PTPRA: variants seen among roughly 807,000 people sequenced by gnomAD.
PTPRA encodes protein tyrosine phosphatase receptor type A.
PTPRA carries 25 observed loss-of-function variants against 104.8 expected under a neutral mutation model. The observed-to-expected ratio is 0.24, with a 90% CI of 0.17 to 0.33. PTPRA has a LOEUF of 0.33. Ranked by LOEUF, PTPRA falls within the 10% of genes least tolerant of loss-of-function variation. The pLI is 1.00. For missense variants in PTPRA, 765 were observed against 1,015.3 expected (o/e 0.75, Z 3.35); for synonymous variants, 323 against 368.9 (o/e 0.88, Z 1.43).
chr20:2,897,347 A>T (rs1173546109), intron 1 of PTPRA, among the ~76,000 whole-genome samples: 5 of 147,678 alleles, frequency 3.4e-5, no homozygotes, highest in Non-Finnish European at 7.5e-5. Context: ...AATTTAAAAA[A>T]TTTCATTATT....
chr20:2,933,610 G>A (rs1334705412), intron 2 of PTPRA, among the ~76,000 whole-genome samples: 1 of 151,794 alleles, frequency 6.6e-6, no homozygotes, highest in Non-Finnish European at 1.5e-5. Flanking sequence ...ACAGGCGCAC[G>A]CCACCACGCC....
At chr20:2,971,099 A>C (rs772336502) in intron 5 of PTPRA, among the ~76,000 whole-genome samples, 4 of 152,228 alleles carry the variant, frequency 2.6e-5, no homozygotes, top group Non-Finnish European at 5.9e-5. Flanking sequence ...TTTGTAAAGT[A>C]TTTAATATCC....
intron 9 of PTPRA, among the ~76,000 whole-genome samples, chr20:3,002,174 TGAC>T (rs2063659449): frequency 1.8e-5 from 1 of 55,680 alleles, no homozygotes; most frequent in Admixed American, 2.0e-4. Flanking sequence ...TGCTTCCATC[TGAC>T]AAAAAATTGG....
intron 1 of PTPRA, among the ~76,000 whole-genome samples, chr20:2,910,413 T>TTA (rs2059656525): frequency 7.6e-6 from 1 of 131,974 alleles, no homozygotes; most frequent in African/African-American, 2.9e-5. Flanking sequence ...ATTTTGTATA[T>TTA]TATATAATAT....
intron 1 of PTPRA, among the ~76,000 whole-genome samples, chr20:2,881,173 G>A (rs1568636987): frequency 2.1e-5 from 3 of 146,266 alleles, no homozygotes; most frequent in African/African-American, 8.3e-5. Context: ...CGGGCGTGGT[G>A]GCGTGTGCCT....
intron 11 of PTPRA, among the ~76,000 whole-genome samples, chr20:3,008,391 C>G (rs1441998962): frequency 6.6e-6 from 1 of 151,986 alleles, no homozygotes; most frequent in African/African-American, 2.4e-5. Flanking sequence ...TTGTATGATT[C>G]TACATATAGA....
chr20:2,903,958 G>A (rs2059324846), intron 1 of PTPRA, among the ~76,000 whole-genome samples: 1 of 151,926 alleles, frequency 6.6e-6, no homozygotes, highest in Non-Finnish European at 1.5e-5. Context: ...AGGCTGGCGG[G>A]CAGTGGCGCA....
chr20:2,974,904 A>G (rs1239133190), intron 5 of PTPRA, among the ~76,000 whole-genome samples: 1 of 152,200 alleles, frequency 6.6e-6, no homozygotes, highest in African/African-American at 2.4e-5. Context: ...GGTCTTTTGT[A>G]TCCTTACTTA....
chr20:2,948,762 T>C (rs6115734), intron 3 of PTPRA, among the ~76,000 whole-genome samples: 31,172 of 151,708 alleles, frequency 0.21, 4,572 homozygotes, highest in African/African-American at 0.39. Flanking sequence ...CCATCCTGGC[T>C]AACACAGTGA....
chr20:2,953,305 A>G (rs1388967264), intron 3 of PTPRA, among the ~76,000 whole-genome samples: 5 of 151,716 alleles, frequency 3.3e-5, no homozygotes, highest in Admixed American at 6.6e-5. Flanking sequence ...CCCAGGCTGA[A>G]GTGTAGTGGC....
chr20:3,017,929 G>A lies in PTPRA; in HGVS notation c.1041+16G>A. The A allele has an allele frequency of 6.3e-7, 1 of 1,599,530 alleles. No homozygotes were observed. Among genetic ancestry groups the A allele is most frequent in the Non-Finnish European group, 8.6e-7 (1 of 1,166,880 alleles). On this transcript the variant is annotated intron_variant, in intron 13 of 23. Transcript: ENST00000399903. ...GAGAAAGGAGGTAAGTGGAAAAATT[G>A]GATGTGAACAGCAGAAGGATCACTC...
chr20:3,025,362 A>G (rs2065079993), intron 17 of PTPRA, among the ~76,000 whole-genome samples: 1 of 151,432 alleles, frequency 6.6e-6, no homozygotes, highest in African/African-American at 2.4e-5. Context: ...CTGAGGCGAG[A>G]GAATTGCTTG....
At chr20:3,020,853 T>C (rs1269668969) in intron 13 of PTPRA, among the ~76,000 whole-genome samples, 1 of 152,206 alleles carries the variant, frequency 6.6e-6, no homozygotes. Flanking sequence ...TATCCAAAGC[T>C]CAGGCAACAG....
At chr20:2,978,113 C>T (rs991020335) in intron 6 of PTPRA, among the ~76,000 whole-genome samples, 6 of 152,062 alleles carry the variant, frequency 3.9e-5, no homozygotes, top group Admixed American at 2.0e-4. Flanking sequence ...TCAGAGGTGG[C>T]CTCAACAGAA....
intron 14 of PTPRA, 33 bp downstream of exon 14, chr20:3,021,461 T>C (rs746359682): frequency 1.2e-5 from 20 of 1,612,000 alleles, no homozygotes; most frequent in South Asian, 2.2e-5. Flanking sequence ...TCAGTTCTTA[T>C]GTTGGATCTG....
intron 10 of PTPRA, among the ~76,000 whole-genome samples, chr20:3,005,449 CT>C (rs1040434949): frequency 1.3e-5 from 2 of 152,088 alleles, no homozygotes; most frequent in Non-Finnish European, 2.9e-5. Flanking sequence ...ACTCAGGAGG[CT>C]GAGGTAGGAG....
chr20:3,016,935 A>T (rs987289198), intron 12 of PTPRA, among the ~76,000 whole-genome samples: 1 of 152,148 alleles, frequency 6.6e-6, no homozygotes, highest in Non-Finnish European at 1.5e-5. Context: ...TATCCTCCCC[A>T]TTCTCCCAGA....
chr20:3,020,773 C>CATGGGAA (rs2064828545), intron 13 of PTPRA, among the ~76,000 whole-genome samples: 1 of 152,208 alleles, frequency 6.6e-6, no homozygotes, highest in African/African-American at 2.4e-5. Flanking sequence ...TCCACAGTGG[C>CATGGGAA]ATGGGAAGAC....
At chr20:2,922,174 C>T (rs1486820297) in intron 1 of PTPRA, among the ~76,000 whole-genome samples, 1 of 152,114 alleles carries the variant, frequency 6.6e-6, no homozygotes, top group Non-Finnish European at 1.5e-5. Context: ...TTCTATACTA[C>T]CCTTACTGGA....
Sources: gnomAD v4.1 joint callset for allele counts (sites outside exome capture counted in the v4.1 genomes callset) on GRCh38, gnomAD v4.1.1 for gene constraint, MANE v1.5 for transcripts, NCBI Gene and HGNC (gene_info 2026-07-23, HGNC 2026-07-21) for gene names.